The following NCKAP5 variants were observed in gnomAD, a reference collection of about 807,000 sequenced individuals.
NCKAP5 encodes the protein nck-associated protein 5.
A neutral mutation model predicts 167.0 loss-of-function variants in NCKAP5; 92 were observed. The ratio of observed to expected loss-of-function variants is 0.55; its 90% CI spans 0.47 to 0.66. The LOEUF is 0.66. Among genes scored for constraint, NCKAP5 ranks in the 30% least tolerant of loss-of-function variants. The pLI is 0.00. For synonymous variants in NCKAP5, 891 were observed against 877.4 expected, an observed-to-expected ratio of 1.02 and a Z score of -0.27; for missense variants, 2,378 against 2,315.0, an observed-to-expected ratio of 1.03 and a Z score of -0.56.
At chr2:133,544,700 C>A (rs977596682) in intron 2 of NCKAP5, among the ~76,000 whole-genome samples, 8 of 152,188 alleles carry the variant, frequency 5.3e-5, no homozygotes, top group Non-Finnish European at 1.0e-4. Context: ...AATGGATGAA[C>A]TGTTTTCTAG....
intron 4 of NCKAP5, among the ~76,000 whole-genome samples, chr2:133,230,281 G>A (rs989848814): frequency 1.3e-5 from 2 of 152,078 alleles, no homozygotes; most frequent in Non-Finnish European, 2.9e-5. Context: ...AGGATCTGGA[G>A]GCCATTTATT....
At position 133,488,460 on chromosome 2, in the gene NCKAP5, T is replaced by G. The variant is rs1681113062; in HGVS notation, c.69+28998A>C. Reference sequence around the variant, plus strand: ...GTGAGTAAATCTCAACATTTTAAACTGGGATTCCAATTTTATAGTTAGAGC... The same window carrying G: ...GTGAGTAAATCTCAACATTTTAAACGGGGATTCCAATTTTATAGTTAGAGC... On this transcript the variant is annotated intron_variant, in intron 3 of 19. Transcript: ENST00000409261. Among the ~76,000 whole-genome samples, 4 of 152,316 alleles carry G rather than the reference T, an allele frequency of 2.6e-5. No homozygotes were observed. In the South Asian group the frequency reaches 8.3e-4, roughly 32 times the overall value.
In NCKAP5 at chr2:132,977,154, C is replaced by T. The variant is rs912741541; in HGVS notation, c.430-13285G>A. ...AGGAATAATGTTTTCTATATCACAT[C>T]CCTATCACCACACACTGCACAACAC... On this transcript the variant is annotated intron_variant, in intron 7 of 19. Transcript: ENST00000409261. Among the ~76,000 whole-genome samples the T allele has an allele frequency of 2.6e-5, 4 of 152,134 alleles. No individual in the cohort carries two copies. The South Asian group carries it at 8.3e-4, about 32-fold the overall frequency.
At position 132,897,954 on chromosome 2, in the gene NCKAP5, C is replaced by G. The variant is rs138106669; in HGVS notation, c.580-19038G>C. On this transcript the variant is annotated intron_variant, in intron 8 of 19. Transcript: ENST00000409261. ...AGCTACTTACGGCTGGGGTGGCTAT[C>G]GTAATTCCTTAAAACAAGACAACAA... Among the ~76,000 whole-genome samples, 475 of 152,224 alleles carry G rather than the reference C, an allele frequency of 3.1e-3. 1 individual carries two copies. The highest frequency in any genetic ancestry group is 0.011 in the African/African-American group (452 of 41,522).
At chr2:132,847,889 G>C (rs1236206999) in intron 11 of NCKAP5, among the ~76,000 whole-genome samples, 1 of 152,224 alleles carries the variant, frequency 6.6e-6, no homozygotes. Flanking sequence ...GCTGAGGACT[G>C]AGAAGGATTG....
At chr2:133,129,358 T>A (rs998719766) in intron 6 of NCKAP5, among the ~76,000 whole-genome samples, 2 of 152,112 alleles carry the variant, frequency 1.3e-5, no homozygotes, top group African/African-American at 4.8e-5. Context: ...TGGTTTTTTG[T>A]CCTTGTGATA....
chr2:133,378,022 A>G (rs1686270589), intron 3 of NCKAP5, among the ~76,000 whole-genome samples: 1 of 152,190 alleles, frequency 6.6e-6, no homozygotes, highest in Non-Finnish European at 1.5e-5. Flanking sequence ...TGTTATATGA[A>G]CCACCGGCTT....
At chr2:133,673,112 G>C in the NCKAP5 span, among the ~76,000 whole-genome samples, 3 of 152,130 alleles carry the variant, frequency 2.0e-5, no homozygotes, top group Non-Finnish European at 4.4e-5. Flanking sequence ...GAGCCACTCA[G>C]AGCCCCACAT....
chr2:133,131,024 C>T (rs1242146038), intron 5 of NCKAP5, among the ~76,000 whole-genome samples: 1 of 152,182 alleles, frequency 6.6e-6, no homozygotes, highest in Non-Finnish European at 1.5e-5. Flanking sequence ...ACAGTGACCT[C>T]TGTTTTGAAA....
intron 8 of NCKAP5, among the ~76,000 whole-genome samples, chr2:132,924,352 G>T (rs922041489): frequency 6.6e-6 from 1 of 152,036 alleles, no homozygotes; most frequent in Non-Finnish European, 1.5e-5. Flanking sequence ...AAGTTTTGTT[G>T]CAATGAGCCA....
intron 11 of NCKAP5, among the ~76,000 whole-genome samples, chr2:132,819,364 C>T (rs1219682169): frequency 6.6e-6 from 1 of 152,212 alleles, no homozygotes; most frequent in Non-Finnish European, 1.5e-5. Context: ...CAGAGCGCTA[C>T]AGCTATGACT....
intron 8 of NCKAP5, among the ~76,000 whole-genome samples, chr2:132,894,364 T>C (rs990019868): frequency 6.6e-5 from 10 of 152,222 alleles, no homozygotes; most frequent in African/African-American, 2.2e-4. Flanking sequence ...AGGTCTTTAA[T>C]AGAAATGGGT....
intron 6 of NCKAP5, among the ~76,000 whole-genome samples, chr2:133,066,710 A>G (rs1213130859): frequency 1.3e-5 from 2 of 152,224 alleles, no homozygotes; most frequent in African/African-American, 2.4e-5. Flanking sequence ...TTGGTCTCAG[A>G]AACGTTAGAA....
intron 3 of NCKAP5, among the ~76,000 whole-genome samples, chr2:133,438,100 C>A (rs897016531): frequency 3.9e-5 from 6 of 152,276 alleles, no homozygotes; most frequent in South Asian, 4.1e-4. Flanking sequence ...CTTTCCTCTG[C>A]AATTCAGCAA....
At chr2:133,318,951 C>T (rs1574687976) in intron 3 of NCKAP5, among the ~76,000 whole-genome samples, 2 of 152,162 alleles carry the variant, frequency 1.3e-5, no homozygotes, top group African/African-American at 4.8e-5. Flanking sequence ...GTTAACATCA[C>T]CTGCAAATTT....
chr2:133,390,956 A>G (rs1419209410), intron 3 of NCKAP5, among the ~76,000 whole-genome samples: 9 of 152,100 alleles, frequency 5.9e-5, no homozygotes, highest in Non-Finnish European at 1.2e-4. Flanking sequence ...ACTCATTTTT[A>G]TGTATTAAGA....
At chr2:133,453,710 T>C (rs1281202274) in intron 3 of NCKAP5, among the ~76,000 whole-genome samples, 2 of 152,046 alleles carry the variant, frequency 1.3e-5, no homozygotes, top group African/African-American at 2.4e-5. Flanking sequence ...TCCAACGTGC[T>C]CTCTAATGAA....
intron 18 of NCKAP5, 74 bp from the exon 19 acceptor site, chr2:132,725,833 G>A: frequency 4.1e-6 from 6 of 1,452,732 alleles, no homozygotes; most frequent in Non-Finnish European, 4.7e-6. Flanking sequence ...GTGAGGATGC[G>A]ACACAGTTCA....
chr2:133,150,010 C>T (rs2083331150), intron 5 of NCKAP5, among the ~76,000 whole-genome samples: 1 of 152,124 alleles, frequency 6.6e-6, no homozygotes, highest in Admixed American at 6.6e-5. Flanking sequence ...ATAGCCTTGA[C>T]AGGAAAGGTG....
Sources: gnomAD v4.1 joint callset for allele counts (sites outside exome capture counted in the v4.1 genomes callset) on GRCh38, gnomAD v4.1.1 for gene constraint, MANE v1.5 for transcripts, NCBI Gene and HGNC (gene_info 2026-07-23, HGNC 2026-07-21) for gene names.